Variants in ZNF438 observed in about 807,000 individuals in gnomAD.
The protein encoded by ZNF438 is zinc finger protein 438.
In ZNF438, 25 loss-of-function variants were observed where a neutral mutation model predicts 38.0. The ratio of observed to expected loss-of-function variants is 0.66; its 90% CI spans 0.48 to 0.92. The LOEUF (loss-of-function observed/expected upper bound fraction) is 0.92. Ranked by LOEUF, ZNF438 falls within the 40% of genes least tolerant of loss-of-function variation. ZNF438 has a pLI of 0.00. For missense variants in ZNF438, 1,007 were observed against 999.6 expected (o/e 1.01, Z -0.10); for synonymous variants, 372 against 364.1 (o/e 1.02, Z -0.25).
chr10:30,890,094 AAAAAAAAAAG>A (rs1410442669), intron 3 of ZNF438, among the ~76,000 whole-genome samples: 3 of 144,500 alleles, frequency 2.1e-5, no homozygotes, highest in Non-Finnish European at 3.1e-5. Context: ...AAAAAAAAAA[AAAAAAAAAAG>A]AAAAAAAAAG....
At chr10:30,922,651 T>C (rs538312792) in intron 2 of ZNF438, among the ~76,000 whole-genome samples, 2 of 152,034 alleles carry the variant, frequency 1.3e-5, no homozygotes, top group Non-Finnish European at 2.9e-5. Context: ...CTGGACAACA[T>C]GGTGAAACCC....
intron 3 of ZNF438, among the ~76,000 whole-genome samples, chr10:30,902,550 G>A (rs1031958226): frequency 2.6e-5 from 4 of 151,816 alleles, no homozygotes; most frequent in Non-Finnish European, 1.5e-5. Context: ...ATAGAGTGCC[G>A]ATTGGTGCAT....
chr10:30,881,587 T>A (rs1165758107), intron 3 of ZNF438, among the ~76,000 whole-genome samples: 1 of 152,132 alleles, frequency 6.6e-6, no homozygotes, highest in Admixed American at 6.5e-5. Context: ...TTCAATGTGA[T>A]CCTAATCAAA....
At position 30,941,558 on chromosome 10, in the gene ZNF438, G is replaced by A. The variant is rs1392679227; in HGVS notation, c.-115+17C>T. The A allele has an allele frequency of 6.6e-6, 1 of 152,196 alleles. No homozygotes were observed. Among genetic ancestry groups the A allele is most frequent in the African/African-American group, 2.4e-5 (1 of 41,440 alleles). The allele number at this position is 152,196 out of a possible 1,614,324, so 9.4% of individuals were successfully genotyped here. A position where few individuals can be genotyped will look rare whatever the true frequency, so the allele number is the denominator to read the frequency against. Reference sequence around the variant, plus strand: ...TAAATCTTAAGCTGGTACCAAGCTAGATGTGAGCAGACTTACCTGAAGTGA... The same window carrying A: ...TAAATCTTAAGCTGGTACCAAGCTAAATGTGAGCAGACTTACCTGAAGTGA... On this transcript the variant is annotated intron_variant, in intron 2 of 5. Transcript: ENST00000413025.
intron 4 of ZNF438, among the ~76,000 whole-genome samples, chr10:30,862,167 C>T (rs1430432491): frequency 6.6e-6 from 1 of 152,184 alleles, no homozygotes; most frequent in Non-Finnish European, 1.5e-5. Flanking sequence ...AACATTCTGA[C>T]ATTTGCCGAG....
intron 2 of ZNF438, among the ~76,000 whole-genome samples, chr10:30,914,864 A>G (rs1462927959): frequency 6.6e-6 from 1 of 152,106 alleles, no homozygotes; most frequent in Non-Finnish European, 1.5e-5. Flanking sequence ...CTTAAAATGT[A>G]CTTGAAAGTT....
chr10:30,894,925 G>T (rs890443571), intron 3 of ZNF438, among the ~76,000 whole-genome samples: 1 of 152,110 alleles, frequency 6.6e-6, no homozygotes, highest in Admixed American at 6.5e-5. Context: ...AATTTAGGTT[G>T]GGATAAAGTT....
intron 4 of ZNF438, 88 bp from the exon 6 acceptor site, chr10:30,850,455 C>T: frequency 6.9e-7 from 1 of 1,439,004 alleles, no homozygotes; most frequent in Non-Finnish European, 9.3e-7. Context: ...TTTACTCTGC[C>T]CAGAACAGAT....
intron 4 of ZNF438, among the ~76,000 whole-genome samples, chr10:30,853,415 T>C (rs12356466): frequency 0.38 from 58,171 of 151,920 alleles, 11,437 homozygotes; most frequent in Admixed American, 0.41. Flanking sequence ...AGGAGCCTCT[T>C]TGACATATTT....
chr10:30,978,483 A>C (rs1365217146), intron 1 of ZNF438, among the ~76,000 whole-genome samples: 1 of 152,322 alleles, frequency 6.6e-6, no homozygotes, highest in East Asian at 1.9e-4. Flanking sequence ...TACATATAAT[A>C]AAATATATAA....
chr10:30,849,784 C>T (rs2033188429), exon 5 of ZNF438: 1 of 1,614,120 alleles, frequency 6.2e-7, no homozygotes, highest in East Asian at 2.2e-5. Context: ...GGGTGTTGGT[C>T]ACTGGTGGTC....
intron 3 of ZNF438, among the ~76,000 whole-genome samples, chr10:30,894,323 G>A (rs965201783): frequency 2.0e-5 from 3 of 152,186 alleles, no homozygotes; most frequent in African/African-American, 4.8e-5. Flanking sequence ...CAGTCCAGAG[G>A]CAACATCTAG....
At chr10:30,927,232 T>G (rs1281592188) in intron 2 of ZNF438, among the ~76,000 whole-genome samples, 1 of 152,206 alleles carries the variant, frequency 6.6e-6, no homozygotes, top group Admixed American at 6.5e-5. Flanking sequence ...GGAATGGCAT[T>G]GCCAAAACCC....
chr10:30,898,603 C>G (rs1437608113), intron 3 of ZNF438, among the ~76,000 whole-genome samples: 1 of 151,938 alleles, frequency 6.6e-6, no homozygotes, highest in Admixed American at 6.6e-5. Flanking sequence ...TATTTTTATA[C>G]TAAAAATAAT....
chr10:30,902,896 C>T (rs779553863), intron 3 of ZNF438, among the ~76,000 whole-genome samples: 62 of 152,318 alleles, frequency 4.1e-4, no homozygotes, highest in Middle Eastern at 6.8e-3. Context: ...GGTGCAGGAG[C>T]CCATGGCAGA....
At chr10:30,876,242 T>A (rs767063928) in intron 4 of ZNF438, among the ~76,000 whole-genome samples, 1 of 152,204 alleles carries the variant, frequency 6.6e-6, no homozygotes, top group East Asian at 1.9e-4. Flanking sequence ...CATGTTCCAC[T>A]AAGGCAACCT....
chr10:30,858,827 A>C (rs1006448889), intron 4 of ZNF438, among the ~76,000 whole-genome samples: 23 of 152,144 alleles, frequency 1.5e-4, no homozygotes, highest in South Asian at 2.1e-4. Context: ...TCCCTCCTTA[A>C]CACCACCAGT....
At chr10:30,907,454 A>AATTGGT (rs1455212871) in intron 3 of ZNF438, among the ~76,000 whole-genome samples, 4 of 152,050 alleles carry the variant, frequency 2.6e-5, no homozygotes, top group Non-Finnish European at 5.9e-5. Context: ...TTCTTTTCTA[A>AATTGGT]ATTTTTGGTA....
At position 31,017,968 on chromosome 10, in the gene ZNF438, CAT is replaced by C. The variant is rs761611086; in HGVS notation, c.-192+13863_-192+13864del. Among the ~76,000 whole-genome samples the C allele has an allele frequency of 3.3e-5, 5 of 152,330 alleles. No homozygotes were observed. The East Asian group carries it at 9.6e-4, about 29-fold the overall frequency. ...GTATGTGGAACACAGCCACAGCTAA[CAT>C]GTCATGAGTAAGAAATAAACCTTTG... is the stretch of plus-strand genomic sequence containing the variant. On this transcript the variant is annotated intron_variant, in intron 1 of 5. Coordinates refer to ENST00000413025, the Ensembl canonical transcript of ZNF438.
Sources: allele counts gnomAD v4.1 joint callset (sites outside exome capture counted in the v4.1 genomes callset), GRCh38; gene constraint gnomAD v4.1.1; transcripts MANE v1.5; gene names NCBI Gene and HGNC (gene_info 2026-07-23, HGNC 2026-07-21).